Variants in LRFN5 observed in about 807,000 individuals in gnomAD.
LRFN5 encodes the protein leucine rich repeat and fibronectin type III domain containing 5.
In LRFN5, 24 loss-of-function variants were observed where a neutral mutation model predicts 45.6. The ratio of observed to expected loss-of-function variants is 0.53; its 90% CI spans 0.38 to 0.74. LRFN5 has a LOEUF of 0.74. LRFN5 is among the 30% of genes least tolerant of loss of function. The probability of loss-of-function intolerance (pLI) is 0.00; values close to 1 mark genes in which losing one functional copy is unlikely to be tolerated. For missense variants in LRFN5, 776 were observed against 861.5 expected (o/e 0.90, Z 1.24); for synonymous variants, 340 against 313.8 (o/e 1.08, Z -0.88).
In LRFN5 at chr14:41,891,615, C is replaced by A. The variant is rs746406852; in HGVS notation, c.1751C>A (p.Thr584Lys). The A allele has an allele frequency of 6.2e-7, 1 of 1,614,134 alleles. No individual in the cohort carries two copies. The highest frequency in any genetic ancestry group is 8.5e-7 in the Non-Finnish European group (1 of 1,180,030). The change falls in exon 4 of 6, where the codon ACG becomes AAG. Residue 584 changes from threonine to lysine, a missense_variant. Thr to Lys is a moderately conservative substitution (Grantham distance 78). Transcript: ENST00000298119. ...NGAQIQGCSV[T>K]LPQSVSKQAV... ...GCTCAAATACAAGGCTGTAGTGTAA[C>A]GCTGCCCCAGTCCGTGTCCAAACAA...
At chr14:41,752,262 T>A (rs1250751579) in intron 1 of LRFN5, among the ~76,000 whole-genome samples, 1 of 152,202 alleles carries the variant, frequency 6.6e-6, no homozygotes, top group African/African-American at 2.4e-5. Context: ...TGTTTTATAA[T>A]CCTTTGAGTA....
intron 2 of LRFN5, among the ~76,000 whole-genome samples, chr14:41,772,867 G>T (rs904742156): frequency 6.6e-6 from 1 of 152,060 alleles, no homozygotes; most frequent in Admixed American, 6.5e-5. Flanking sequence ...TACCTACAAA[G>T]AAAATTCTAA....
intron 1 of LRFN5, among the ~76,000 whole-genome samples, chr14:41,688,172 T>A (rs1882205146): frequency 6.6e-6 from 1 of 152,080 alleles, no homozygotes; most frequent in Non-Finnish European, 1.5e-5. Flanking sequence ...CTGGGAAAGG[T>A]AGTTGGTGGG....
chr14:41,855,167 C>T (rs7492631), intron 2 of LRFN5, among the ~76,000 whole-genome samples: 27,197 of 151,950 alleles, frequency 0.18, 3,302 homozygotes, highest in East Asian at 0.54. Flanking sequence ...GGGTGAGAAA[C>T]GGCATGATCA....
At chr14:41,740,520 C>G (rs1884646219) in intron 1 of LRFN5, among the ~76,000 whole-genome samples, 1 of 151,786 alleles carries the variant, frequency 6.6e-6, no homozygotes, top group African/African-American at 2.4e-5. Context: ...ATGATAAAAG[C>G]TCTCAACAAA....
At chr14:41,812,829 A>C (rs1473626795) in intron 2 of LRFN5, among the ~76,000 whole-genome samples, 4 of 152,220 alleles carry the variant, frequency 2.6e-5, no homozygotes, top group South Asian at 2.1e-4. Flanking sequence ...ATTTCAGGAG[A>C]GAACAAGGCA....
At chr14:41,739,453 A>T (rs545938203) in intron 1 of LRFN5, among the ~76,000 whole-genome samples, 2 of 152,100 alleles carry the variant, frequency 1.3e-5, no homozygotes, top group South Asian at 4.1e-4. Context: ...TGTGGAAATT[A>T]AATATCCTTC....
At chr14:41,637,647 T>C (rs1879368386) in intron 1 of LRFN5, among the ~76,000 whole-genome samples, 2 of 152,178 alleles carry the variant, frequency 1.3e-5, no homozygotes, top group African/African-American at 4.8e-5. Flanking sequence ...ATTCTTTTGC[T>C]CTGAGCTCTG....
chr14:41,798,179 A>G (rs938321036), intron 2 of LRFN5, among the ~76,000 whole-genome samples: 65 of 151,906 alleles, frequency 4.3e-4, no homozygotes, highest in African/African-American at 2.4e-5. Context: ...ATTTCTTATC[A>G]CTTGAATTAA....
At chr14:41,860,442 T>C (rs1159606647) in intron 2 of LRFN5, among the ~76,000 whole-genome samples, 1 of 152,148 alleles carries the variant, frequency 6.6e-6, no homozygotes, top group Non-Finnish European at 1.5e-5. Context: ...TAACCAAATA[T>C]ACAATATTTT....
At chr14:41,653,045 T>G (rs1486020912) in intron 1 of LRFN5, among the ~76,000 whole-genome samples, 1 of 152,180 alleles carries the variant, frequency 6.6e-6, no homozygotes. Context: ...TTAAGTTCCT[T>G]GTAGATGCTG....
Position 41,904,195 on chromosome 14 carries a change from C to G in LRFN5, c.*20C>G. 1 of 1,609,210 alleles carries G rather than the reference C, an allele frequency of 6.2e-7. No homozygotes were observed. The highest frequency in any genetic ancestry group is 2.2e-5 in the East Asian group (1 of 44,788). On this transcript the variant is annotated 3_prime_UTR_variant, in exon 6 of 6. Coordinates refer to ENST00000298119, the MANE Select transcript of LRFN5 (RefSeq NM_152447.5). ...ATCTGAAGAGCACCACTTCTCCTCT[C>G]TCTCCTGAAAAAATTTGCCACTGAT...
At chr14:41,826,684 G>A (rs1888305722) in intron 2 of LRFN5, among the ~76,000 whole-genome samples, 1 of 152,110 alleles carries the variant, frequency 6.6e-6, no homozygotes, top group African/African-American at 2.4e-5. Flanking sequence ...TTGACTAGAA[G>A]CATGAAACCA....
At chr14:41,694,046 A>C (rs954525032) in intron 1 of LRFN5, among the ~76,000 whole-genome samples, 1 of 151,972 alleles carries the variant, frequency 6.6e-6, no homozygotes, top group Non-Finnish European at 1.5e-5. Context: ...TTGCTTATTA[A>C]TACCATGAAA....
At chr14:41,752,516 T>A (rs1035290074) in intron 1 of LRFN5, among the ~76,000 whole-genome samples, 4 of 152,202 alleles carry the variant, frequency 2.6e-5, no homozygotes, top group African/African-American at 9.6e-5. Context: ...TGATGGCCAG[T>A]GATGATGAGC....
intron 2 of LRFN5, among the ~76,000 whole-genome samples, chr14:41,771,436 C>T (rs576903158): frequency 6.6e-6 from 1 of 152,012 alleles, no homozygotes; most frequent in Non-Finnish European, 1.5e-5. Context: ...CCTCTGTTTC[C>T]CTTTAAATAT....
intron 2 of LRFN5, among the ~76,000 whole-genome samples, chr14:41,835,817 A>C (rs1594451562): frequency 6.6e-6 from 1 of 152,198 alleles, no homozygotes; most frequent in East Asian, 1.9e-4. Context: ...AAATCTTTGG[A>C]GTTTATTTTA....
At chr14:41,667,201 A>G (rs1594595763) in intron 1 of LRFN5, among the ~76,000 whole-genome samples, 2 of 152,172 alleles carry the variant, frequency 1.3e-5, no homozygotes, top group Non-Finnish European at 2.9e-5. Flanking sequence ...TTATGGCTTC[A>G]ATTTGTAATG....
At chr14:41,684,180 G>A (rs891623995) in intron 1 of LRFN5, among the ~76,000 whole-genome samples, 1 of 152,192 alleles carries the variant, frequency 6.6e-6, no homozygotes, top group Admixed American at 6.5e-5. Context: ...AACATACAAT[G>A]AGGAAAGGAC....
Sources: allele counts gnomAD v4.1 joint callset (sites outside exome capture counted in the v4.1 genomes callset), GRCh38; gene constraint gnomAD v4.1.1; transcripts MANE v1.5; gene names NCBI Gene and HGNC (gene_info 2026-07-23, HGNC 2026-07-21).